The following ELMO2 variants were observed in gnomAD, a reference collection of about 807,000 sequenced individuals.
The protein encoded by ELMO2 is engulfment and cell motility protein 2.
Under a neutral mutation model 96.2 loss-of-function variants are expected in ELMO2, and 37 were observed. That is an observed-to-expected ratio of 0.38 (90% CI 0.30 to 0.51). ELMO2 has a LOEUF of 0.51. ELMO2 is among the 20% of genes least tolerant of loss of function. The pLI, the probability that ELMO2 is intolerant of heterozygous loss-of-function variation, is 0.88. For missense variants in ELMO2, 561 were observed against 912.6 expected (o/e 0.61, Z 4.96); for synonymous variants, 315 against 329.4 (o/e 0.96, Z 0.47).
chr20:46,393,361 C>A (rs2060188214), intron 5 of ELMO2, among the ~76,000 whole-genome samples, 168 bp downstream of exon 5: 1 of 152,142 alleles, frequency 6.6e-6, no homozygotes, highest in South Asian at 2.1e-4. Context: ...CTTTTTCTAG[C>A]CACTAGGGAA....
At chr20:46,386,419 C>G (rs2060045243) in intron 8 of ELMO2, 144 bp from the exon 9 acceptor site, 1 of 1,074,290 alleles carries the variant, frequency 9.3e-7, no homozygotes, top group African/African-American at 1.6e-5. Flanking sequence ...TGGTTTACGG[C>G]TACCCTGGCC....
At chr20:46,395,635 C>T (rs1427074956) in intron 2 of ELMO2, among the ~76,000 whole-genome samples, 1 of 152,196 alleles carries the variant, frequency 6.6e-6, no homozygotes, top group South Asian at 2.1e-4. Flanking sequence ...TTCTCACAGC[C>T]TGGTAAGTAT....
In ELMO2 at chr20:46,375,573, T is replaced by C. The variant is rs1298153882; in HGVS notation, c.930+95A>G. On this transcript the variant is annotated intron_variant, in intron 12 of 21. Coordinates refer to ENST00000290246, the MANE Select transcript of ELMO2 (RefSeq NM_133171.5). The surrounding 1 kb of genome is among the most constrained non-coding windows in gnomAD (Gnocchi z 4.6). ...TTTTCTAGGGCAGATGCAAACTACT[T>C]CTGCAGACAAAGACCAAGCACAGTG... The C allele has an allele frequency of 1.3e-6, 2 of 1,572,090 alleles. No homozygotes were observed. Among genetic ancestry groups the C allele is most frequent in the Non-Finnish European group, 1.7e-6 (2 of 1,151,974 alleles).
chr20:46,384,983 G>A (rs555358094), intron 9 of ELMO2, among the ~76,000 whole-genome samples: 1 of 152,216 alleles, frequency 6.6e-6, no homozygotes, highest in African/African-American at 2.4e-5. Flanking sequence ...AGCTGAGGCT[G>A]AAAATTCCTT....
At position 46,393,464 on chromosome 20, in the gene ELMO2, C is replaced by T. The variant is rs2060190731; in HGVS notation, c.192+65G>A. On this transcript the variant is annotated intron_variant, in intron 5 of 21. Transcript: ENST00000290246. ...GGATGCTGAGTGAAGATAAATAGTGCCGTCTCCTTGGGTCGTTTAATTCCA... is the reference window on the plus strand; with the variant it reads ...GGATGCTGAGTGAAGATAAATAGTGTCGTCTCCTTGGGTCGTTTAATTCCA... 11 of 1,535,554 alleles carry T rather than the reference C, an allele frequency of 7.2e-6. No homozygotes were observed. In the South Asian group the frequency reaches 1.1e-4, roughly 16 times the overall value.
At chr20:46,368,073 T>C (rs992700352) in intron 21 of ELMO2, among the ~76,000 whole-genome samples, 1 of 152,206 alleles carries the variant, frequency 6.6e-6, no homozygotes, top group South Asian at 2.1e-4. Context: ...GGAAGCCTTC[T>C]GATCCCACCG....
chr20:46,389,826 G>T (rs1201389544), intron 6 of ELMO2, among the ~76,000 whole-genome samples: 1 of 152,064 alleles, frequency 6.6e-6, no homozygotes, highest in Non-Finnish European at 1.5e-5. Context: ...TGCAGCCCGG[G>T]TAACAGAGCA....
At position 46,389,228 on chromosome 20, in the gene ELMO2, G is replaced by T; in HGVS notation, c.244-8C>A. The T allele has an allele frequency of 6.2e-7, 1 of 1,612,618 alleles. No homozygotes were observed. Among genetic ancestry groups the T allele is most frequent in the South Asian group, 1.1e-5 (1 of 90,864 alleles). Reference sequence around the variant, plus strand: ...CTGGCGTGCAGCCCGGGACTAGGAGGCCAGGGACAAGATATGTGCCATCTG... The same window carrying T: ...CTGGCGTGCAGCCCGGGACTAGGAGTCCAGGGACAAGATATGTGCCATCTG... On this transcript the variant is annotated splice_region_variant and splice_polypyrimidine_tract_variant and intron_variant, in intron 6 of 21. Transcript: ENST00000290246.
chr20:46,372,120 G>C (rs1448766891), intron 16 of ELMO2, 151 bp from the exon 17 acceptor site: 2 of 846,954 alleles, frequency 2.4e-6, no homozygotes, highest in Middle Eastern at 3.6e-4. Context: ...TACCTTCTTA[G>C]ATGGTTATTC....
In ELMO2 at chr20:46,371,765, C is replaced by T; in HGVS notation, c.1580+41G>A. The T allele has an allele frequency of 1.2e-6, 2 of 1,613,794 alleles. No individual in the cohort carries two copies. Among genetic ancestry groups the T allele is most frequent in the Middle Eastern group, 1.6e-4 (1 of 6,062 alleles). On this transcript the variant is annotated intron_variant, in intron 17 of 21. Transcript: ENST00000290246. This position sits in a 1 kb window ranked among gnomAD's most constrained non-coding sequence, Gnocchi z 5.9. ...AGCTCTGGAAGGAAAGCAGAGCTGG[C>T]AGCCACCTCCCCCGCCAGCCTCCCC...
At chr20:46,367,757 G>A (rs1568741968) in intron 21 of ELMO2, among the ~76,000 whole-genome samples, 197 bp from the exon 22 acceptor site, 1 of 151,966 alleles carries the variant, frequency 6.6e-6, no homozygotes, top group Non-Finnish European at 1.5e-5. Flanking sequence ...TTTTATAAGG[G>A]GTTTTATATT....
chr20:46,401,219 T>C (rs945992141), intron 1 of ELMO2, among the ~76,000 whole-genome samples: 10 of 152,154 alleles, frequency 6.6e-5, no homozygotes, highest in African/African-American at 2.4e-4. Context: ...ATCTGAGAAG[T>C]GATTCAACTT....
At chr20:46,385,700 TAAATC>T (rs2060029189) in intron 9 of ELMO2, among the ~76,000 whole-genome samples, 1 of 152,182 alleles carries the variant, frequency 6.6e-6, no homozygotes, top group Non-Finnish European at 1.5e-5. Context: ...AGCCTCTACT[TAAATC>T]AAAACAGGGG....
At chr20:46,388,103 A>G (rs1157000030) in intron 7 of ELMO2, among the ~76,000 whole-genome samples, 1 of 152,202 alleles carries the variant, frequency 6.6e-6, no homozygotes, top group Non-Finnish European at 1.5e-5. Flanking sequence ...TGATATTCCT[A>G]TTTACAAAGC....
intron 9 of ELMO2, among the ~76,000 whole-genome samples, chr20:46,384,934 G>A (rs1038010499): frequency 2.8e-4 from 42 of 152,184 alleles, no homozygotes; most frequent in African/African-American, 9.9e-4. Flanking sequence ...AGCTTGGACG[G>A]CAGAGTGAGA....
intron 9 of ELMO2, among the ~76,000 whole-genome samples, chr20:46,384,331 G>C (rs1263194303): frequency 6.6e-6 from 1 of 152,118 alleles, no homozygotes; most frequent in Admixed American, 6.5e-5. Context: ...CATGTCTTGG[G>C]TGCATTCTGT....
At chr20:46,383,699 T>C (rs566190131) in intron 9 of ELMO2, among the ~76,000 whole-genome samples, 3 of 152,338 alleles carry the variant, frequency 2.0e-5, no homozygotes, top group East Asian at 1.9e-4. Flanking sequence ...CAGAGAGCTA[T>C]GCAAGATTTA....
At position 46,375,269 on chromosome 20, in the gene ELMO2, C is replaced by T; in HGVS notation, c.1032G>A (p.Met344Ile). ...PGSGTEKRKAMYTKDYKMLGF... is the reference protein window; with the variant it reads ...PGSGTEKRKAIYTKDYKMLGF... ...CCAGCATTTTGTAGTCCTTTGTGTACATGGCTTTGCGTTTTTCGGTCCCAC... is the reference window on the plus strand; with the variant it reads ...CCAGCATTTTGTAGTCCTTTGTGTATATGGCTTTGCGTTTTTCGGTCCCAC... The change falls in exon 13 of 22, where the codon ATG becomes ATA. Residue 344 changes from methionine (M) to isoleucine (I), a missense_variant. Met to Ile is a conservative substitution (Grantham distance 10). Transcript: ENST00000290246. This position sits in a 1 kb window ranked among gnomAD's most constrained non-coding sequence, Gnocchi z 4.6. The T allele has an allele frequency of 1.2e-6, 2 of 1,614,186 alleles. No individual in the cohort carries two copies. The highest frequency in any genetic ancestry group is 1.7e-6 in the Non-Finnish European group (2 of 1,180,044).
intron 6 of ELMO2, among the ~76,000 whole-genome samples, chr20:46,391,091 G>C (rs1374702982): frequency 6.6e-6 from 1 of 152,216 alleles, no homozygotes; most frequent in African/African-American, 2.4e-5. Flanking sequence ...CAAGAGGTCT[G>C]TGAAATGTGT....
Sources: allele counts gnomAD v4.1 joint callset (sites outside exome capture counted in the v4.1 genomes callset), GRCh38; gene constraint gnomAD v4.1.1; non-coding constraint Gnocchi (gnomAD v3.1); transcripts MANE v1.5; gene names NCBI Gene and HGNC (gene_info 2026-07-23, HGNC 2026-07-21).